IGSF21: variants seen among roughly 807,000 people sequenced by gnomAD.
The protein encoded by IGSF21 is immunoglobin superfamily member 21.
In IGSF21, 28 loss-of-function variants were observed where a neutral mutation model predicts 46.8. The ratio of observed to expected loss-of-function variants is 0.60; its 90% confidence interval spans 0.44 to 0.82. The LOEUF is 0.82. Among genes scored for constraint, IGSF21 ranks in the 40% least tolerant of loss-of-function variants. The pLI, the probability that IGSF21 is intolerant of heterozygous loss-of-function variation, is 0.00. For synonymous variants in IGSF21, 284 were observed against 273.6 expected, an observed-to-expected ratio of 1.04 and a Z score of -0.38; for missense variants, 624 against 665.5, an observed-to-expected ratio of 0.94 and a Z score of 0.69.
chr1:18,362,267 G>T lies in IGSF21; in HGVS notation c.540+37G>T, dbSNP rs759000798. On this transcript the variant is annotated intron_variant, in intron 5 of 9. Coordinates refer to ENST00000251296, the MANE Select transcript of IGSF21 (RefSeq NM_032880.5). ...TGGAGTGCCCAGCTCCTTCCTATCT[G>T]CCGGACCACCCTGCTTCGGGGCTGG... The T allele has an allele frequency of 1.6e-5, 23 of 1,454,328 alleles. 1 individual carries two copies. The highest frequency in any genetic ancestry group is 3.5e-4 in the Middle Eastern group (2 of 5,708). 90.1% of individuals were successfully genotyped at this position (1,454,328 alleles called of 1,614,324 possible).
At position 18,362,223 on chromosome 1, in the gene IGSF21, C is replaced by T; in HGVS notation, c.533C>T (p.Ala178Val). ...LVCIVSGGKP[A>V]PMVYFKRDGE... ...TGCATCGTGTCTGGAGGAAAACCAG[C>T]ACCCATGGTGAGTACCCCTGGAGTG... The change falls in exon 5 of 10, where the codon GCA (alanine) becomes GTA (valine). Residue 178 changes from alanine to valine, a missense_variant. Ala to Val is a moderately conservative substitution (Grantham distance 64). Coordinates refer to ENST00000251296, the MANE Select transcript of IGSF21 (RefSeq NM_032880.5). 1 of 1,610,284 alleles carries T rather than the reference C, an allele frequency of 6.2e-7. No homozygotes were observed. Among genetic ancestry groups the T allele is most frequent in the Non-Finnish European group, 8.5e-7 (1 of 1,178,062 alleles).
In IGSF21 at chr1:18,211,922, G is replaced by A. The variant is rs372493458; in HGVS notation, c.71-15976G>A. ...TGCTTTAAGTCTCAGTGCAGAAAGC[G>A]AAACAGCAGCCACTGGTGACTGCCC... is the stretch of plus-strand genomic sequence containing the variant. On this transcript the variant is annotated intron_variant, in intron 1 of 9. Transcript: ENST00000251296. Among the ~76,000 whole-genome samples the A allele has an allele frequency of 1.6e-4, 24 of 152,326 alleles. No homozygotes were observed. In the South Asian group the frequency reaches 4.4e-3, roughly 28 times the overall value.
At chr1:18,308,545 GCT>G (rs2085450569) in intron 3 of IGSF21, among the ~76,000 whole-genome samples, 1 of 152,176 alleles carries the variant, frequency 6.6e-6, no homozygotes, top group Non-Finnish European at 1.5e-5. Context: ...CCTTGAGGCA[GCT>G]CATGCCCCAT....
chr1:18,320,289 T>G (rs1167693134), intron 3 of IGSF21, among the ~76,000 whole-genome samples: 1 of 152,174 alleles, frequency 6.6e-6, no homozygotes, highest in Non-Finnish European at 1.5e-5. Flanking sequence ...CTGGCAGCCC[T>G]GGGCACCCTG....
At position 18,367,603 on chromosome 1, in the gene IGSF21, C is replaced by CTTTTTTTTTTTTTTTTTTTTTTT. The variant is rs35019096; in HGVS notation, c.1015+1928_1015+1929insTTTTTTTTTTTTTTTTTTTTTTT. Among the ~76,000 whole-genome samples the CTTTTTTTTTTTTTTTTTTTTTTT allele has an allele frequency of 8.1e-5, 6 of 73,964 alleles. 1 individual carries two copies. Among genetic ancestry groups the CTTTTTTTTTTTTTTTTTTTTTTT allele is most frequent in the Non-Finnish European group, 1.5e-4 (6 of 39,560 alleles). 48.5% of individuals were successfully genotyped at this position (73,964 alleles called of 152,430 possible). On this transcript the variant is annotated intron_variant, in intron 6 of 9. Coordinates refer to ENST00000251296, the MANE Select transcript of IGSF21 (RefSeq NM_032880.5). ...GACCTTTGATATTCTCTCTCTCTCT[C>CTTTTTTTTTTTTTTTTTTTTTTT]TTTTTTTTTTTTTTTTTTTTTTGAC...
chr1:18,378,374 G>T lies in IGSF21; in HGVS notation c.*48G>T. On this transcript the variant is annotated 3_prime_UTR_variant, in exon 10 of 10. Coordinates refer to ENST00000251296, the MANE Select transcript of IGSF21 (RefSeq NM_032880.5). The stretch of plus-strand genomic sequence containing the variant: ...ATCAGGCACTGACATCTCCACGACC[G>T]GTTTTCATTTCTTTTCTAAACTATT... 4 of 1,447,000 alleles carry T rather than the reference G, an allele frequency of 2.8e-6. No individual in the cohort carries two copies. The highest frequency in any genetic ancestry group is 2.3e-5 in the East Asian group (1 of 43,442). 89.6% of individuals were successfully genotyped at this position (1,447,000 alleles called of 1,614,324 possible).
Position 18,227,826 on chromosome 1 carries a change from G to A in IGSF21, c.71-72G>A, listed in dbSNP as rs560852672. 101 of 1,065,304 alleles carry A rather than the reference G, an allele frequency of 9.5e-5. No homozygotes were observed. The East Asian group carries it at 2.3e-3, about 25-fold the overall frequency. 66.0% of individuals were successfully genotyped at this position (1,065,304 alleles called of 1,614,324 possible). On this transcript the variant is annotated intron_variant, in intron 1 of 9. Coordinates refer to ENST00000251296, the MANE Select transcript of IGSF21 (RefSeq NM_032880.5). Reference sequence around the variant, plus strand: ...CCCTCCTCTGTCTGCTGTCTCCCTGGCCCTGCCCTCATCAGCCCAGCCCCT... The same window carrying A: ...CCCTCCTCTGTCTGCTGTCTCCCTGACCCTGCCCTCATCAGCCCAGCCCCT...
At chr1:18,183,597 C>T (rs1481552153) in intron 1 of IGSF21, among the ~76,000 whole-genome samples, 4 of 152,144 alleles carry the variant, frequency 2.6e-5, no homozygotes, top group Non-Finnish European at 5.9e-5. Flanking sequence ...GTGTAACAGC[C>T]AGCCCAAAAC....
intron 1 of IGSF21, among the ~76,000 whole-genome samples, chr1:18,161,670 G>T (rs1012896471): frequency 6.6e-6 from 1 of 152,160 alleles, no homozygotes; most frequent in East Asian, 1.9e-4. Context: ...ATGAAACGGG[G>T]TTAAACAAAC....
At chr1:18,378,182 G>T in intron 9 of IGSF21, 74 bp from the exon 10 acceptor site, 1 of 1,239,466 alleles carries the variant, frequency 8.1e-7, no homozygotes, top group Non-Finnish European at 1.2e-6. Flanking sequence ...CTTTGTTGGG[G>T]ACCTGGAGGC....
intron 1 of IGSF21, among the ~76,000 whole-genome samples, chr1:18,207,898 A>G (rs575702536): frequency 6.6e-6 from 1 of 152,152 alleles, no homozygotes; most frequent in Non-Finnish European, 1.5e-5. Context: ...ATACCAGTAA[A>G]TAGGAGTATT....
chr1:18,168,899 G>A (rs749707545), intron 1 of IGSF21, among the ~76,000 whole-genome samples: 31 of 152,168 alleles, frequency 2.0e-4, no homozygotes, highest in Non-Finnish European at 2.9e-4. Context: ...TTCTGGGGCC[G>A]GAGGGGAGCA....
intron 2 of IGSF21, among the ~76,000 whole-genome samples, chr1:18,251,421 G>A (rs542655985): frequency 6.6e-5 from 10 of 152,276 alleles, no homozygotes; most frequent in African/African-American, 1.2e-4. Flanking sequence ...TTGGATATGA[G>A]TCTGGCAAAT....
At chr1:18,261,644 G>A (rs1001791954) in intron 2 of IGSF21, among the ~76,000 whole-genome samples, 3 of 152,250 alleles carry the variant, frequency 2.0e-5, no homozygotes, top group African/African-American at 7.2e-5. Flanking sequence ...AGCCCTGCCT[G>A]TGAGGTCTTA....
At chr1:18,203,858 T>C (rs1045980019) in intron 1 of IGSF21, among the ~76,000 whole-genome samples, 1 of 152,226 alleles carries the variant, frequency 6.6e-6, no homozygotes, top group East Asian at 1.9e-4. Flanking sequence ...AAATCGAAAC[T>C]GTTATGTGGG....
intron 5 of IGSF21, among the ~76,000 whole-genome samples, chr1:18,363,994 A>T (rs2086131798): frequency 6.6e-6 from 1 of 152,188 alleles, no homozygotes; most frequent in African/African-American, 2.4e-5. Context: ...CCCTAAAATC[A>T]GGAAAGCTGT....
At chr1:18,373,958 C>A (rs1399920965) in intron 6 of IGSF21, among the ~76,000 whole-genome samples, 2 of 152,174 alleles carry the variant, frequency 1.3e-5, no homozygotes, top group East Asian at 3.9e-4. Flanking sequence ...CAGGCCCGGG[C>A]CTGAAGGAGT....
intron 4 of IGSF21, among the ~76,000 whole-genome samples, chr1:18,339,047 G>A (rs750920692): frequency 3.9e-5 from 6 of 152,214 alleles, no homozygotes; most frequent in Non-Finnish European, 8.8e-5. Flanking sequence ...CTGCCACCGA[G>A]TGGGGCCCTT....
At chr1:18,324,020 C>T (rs770346758) in intron 3 of IGSF21, among the ~76,000 whole-genome samples, 7 of 152,074 alleles carry the variant, frequency 4.6e-5, no homozygotes, top group African/African-American at 7.2e-5. Context: ...CTGCCTCTCT[C>T]CCCGGTCCCA....
Sources: allele counts gnomAD v4.1 joint callset (sites outside exome capture counted in the v4.1 genomes callset), GRCh38; gene constraint gnomAD v4.1.1; transcripts MANE v1.5; gene names NCBI Gene and HGNC (gene_info 2026-07-23, HGNC 2026-07-21).